The following ZNF594 variants were observed in gnomAD, a reference collection of about 807,000 sequenced individuals.
ZNF594 encodes zinc finger protein 594.
For missense variants in ZNF594, 1,037 were observed against 964.6 expected, an observed-to-expected ratio of 1.08 and a Z score of -0.99; for synonymous variants, 336 against 309.4, an observed-to-expected ratio of 1.09 and a Z score of -0.90.
Position 5,180,679 on chromosome 17 carries a change from AAAAT to A in ZNF594, c.*1150_*1153del, listed in dbSNP as rs1364691581. ...GAGACCTCATCTCTTTGTATGTTAA[AAAAT>A]AAATAATTTAAAAAATTGTATCGTT... On this transcript the variant is annotated 3_prime_UTR_variant, in exon 2 of 2. Coordinates refer to ENST00000575779, the MANE Select transcript of ZNF594 (RefSeq NM_032530.2). The A allele has an allele frequency of 1.2e-5, 3 of 246,262 alleles. No homozygotes were observed. The highest frequency in any genetic ancestry group is 8.0e-6 in the Non-Finnish European group (1 of 125,170). 15.3% of individuals were successfully genotyped at this position (246,262 alleles called of 1,614,324 possible).
intron 1 of ZNF594, among the ~76,000 whole-genome samples, chr17:5,188,267 C>T (rs1598137186): frequency 1.5e-5 from 2 of 134,710 alleles, no homozygotes; most frequent in East Asian, 2.1e-4. Flanking sequence ...AAAGGCTGCC[C>T]TTTTTTTTTT....
At chr17:5,188,226 G>A (rs1598137131) in intron 1 of ZNF594, among the ~76,000 whole-genome samples, 1 of 149,370 alleles carries the variant, frequency 6.7e-6, no homozygotes. Context: ...CAAAATTCAG[G>A]AGCAGATTAC....
intron 1 of ZNF594, among the ~76,000 whole-genome samples, chr17:5,186,735 TCTTC>T (rs1254881725): frequency 3.3e-5 from 5 of 152,254 alleles, no homozygotes. Flanking sequence ...CTTAGAAATT[TCTTC>T]CACCAGATAC....
At position 5,183,196 on chromosome 17, in the gene ZNF594, T is replaced by A; in HGVS notation, c.1061A>T (p.Glu354Val). The A allele has an allele frequency of 1.2e-6, 2 of 1,614,190 alleles. No homozygotes were observed. The highest frequency in any genetic ancestry group is 1.1e-5 in the South Asian group (1 of 91,088). The change falls in exon 2 of 2, where the codon GAG becomes GTG. Residue 354 changes from glutamate (E) to valine (V), a missense_variant. Coordinates refer to ENST00000575779, the MANE Select transcript of ZNF594 (RefSeq NM_032530.2). ...CTCCTCATCCTTGCTGAAGGTTTTC[T>A]CACATTCTTCAATTTTCTCTCCAGC... Reference protein sequence around the residue: ...LHAGEKIEECEKTFSKDEELR... With the variant: ...LHAGEKIEECVKTFSKDEELR...
chr17:5,180,751 G>A lies in ZNF594; in HGVS notation c.*1082C>T, dbSNP rs1271587050. The A allele has an allele frequency of 3.4e-6, 1 of 292,446 alleles. No homozygotes were observed. The highest frequency in any genetic ancestry group is 9.3e-5 in the East Asian group (1 of 10,722). 18.1% of individuals were successfully genotyped at this position (292,446 alleles called of 1,614,324 possible). A position where few individuals can be genotyped will look rare whatever the true frequency, so the allele number is the denominator to read the frequency against. ...TCAGTTCTGAGACAGAAAAAAAAAA[G>A]GTGATTATGTCCAAGAGCTTTTGGC... On this transcript the variant is annotated 3_prime_UTR_variant, in exon 2 of 2. Transcript: ENST00000575779.
downstream of ZNF594, chr17:5,174,985 G>T (rs1273795328): frequency 5.4e-6 from 1 of 186,046 alleles, no homozygotes; most frequent in Non-Finnish European, 1.1e-5. Flanking sequence ...TACTGTGGTT[G>T]CCTCTATGTG....
At chr17:5,189,246 A>T (rs117948074) in intron 1 of ZNF594, among the ~76,000 whole-genome samples, 3 of 147,266 alleles carry the variant, frequency 2.0e-5, no homozygotes, top group South Asian at 2.2e-4. Flanking sequence ...GTGCCAGGCC[A>T]TTTTTTTTTC....
downstream of ZNF594, among the ~76,000 whole-genome samples, chr17:5,177,635 G>A (rs1454393690): frequency 3.3e-5 from 5 of 152,120 alleles, no homozygotes; most frequent in East Asian, 3.9e-4. Flanking sequence ...TCAGGAGTTC[G>A]AGACCAGCCT....
At position 5,180,879 on chromosome 17, in the gene ZNF594, A is replaced by G. The variant is rs542330503; in HGVS notation, c.*954T>C. ...TCTAATAAAACTCATTTGTAGTGCA[A>G]TAAGATGTGGTCTCCATCAGACTTT... On this transcript the variant is annotated 3_prime_UTR_variant, in exon 2 of 2. Coordinates refer to ENST00000575779, the MANE Select transcript of ZNF594 (RefSeq NM_032530.2). 11 of 514,384 alleles carry G rather than the reference A, an allele frequency of 2.1e-5. No homozygotes were observed. The highest frequency in any genetic ancestry group is 1.9e-4 in the African/African-American group (10 of 52,114). The allele number at this position is 514,384 out of a possible 1,614,324, so 31.9% of individuals were successfully genotyped here. A position where few individuals can be genotyped will look rare whatever the true frequency, so the allele number is the denominator to read the frequency against.
In ZNF594 at chr17:5,183,447, A is replaced by G. The variant is rs761203914; in HGVS notation, c.810T>C (p.Tyr270=). 10 of 1,613,972 alleles carry G rather than the reference A, an allele frequency of 6.2e-6. No homozygotes were observed. The East Asian group carries it at 1.1e-4, about 18-fold the overall frequency. The change falls in exon 2 of 2, where the codon TAT becomes TAC. Residue 270 remains tyrosine, a synonymous_variant. Coordinates refer to ENST00000575779, the MANE Select transcript of ZNF594 (RefSeq NM_032530.2). ...IHTGEKPYEC[Y]DCGQMFSQSS... ...TTTGACTGAACATCTGTCCACAGTC[A>G]TAACATTCATAGGGTTTCTCTCCAG...
Position 5,181,954 on chromosome 17 carries a change from C to G in ZNF594, c.2303G>C (p.Arg768Thr), listed in dbSNP as rs780718305. ...GAGATCTGAGCTGCCCTGGAAGGTCCTACTACACTGATTACACCAATAAAC... is the reference window on the plus strand; with the variant it reads ...GAGATCTGAGCTGCCCTGGAAGGTCGTACTACACTGATTACACCAATAAAC... Reference protein sequence around the residue: ...KKVYWCNQCSRTFQGSSDLIR... With the variant: ...KKVYWCNQCSTTFQGSSDLIR... Residue 768 changes from arginine (R) to threonine (T), a missense_variant, in exon 2 of 2, where the codon AGG becomes ACG. Transcript: ENST00000575779. 6.2e-6 allele frequency: 10 copies of G among 1,613,494 alleles called. No individual in the cohort carries two copies. The South Asian group carries it at 1.1e-4, about 18-fold the overall frequency.
rs372985276 is a variant in ZNF594 at position 5,182,688 on chromosome 17, C to T, written c.1569G>A (p.Lys523=). 117 of 1,613,490 alleles carry T rather than the reference C, an allele frequency of 7.3e-5. No homozygotes were observed. Among genetic ancestry groups the T allele is most frequent in the Non-Finnish European group, 9.1e-5 (107 of 1,179,908 alleles). The change falls in exon 2 of 2, where the codon AAG becomes AAA. Residue 523 remains lysine (K), a synonymous_variant. Transcript: ENST00000575779. ...GGAAAGCTGTGCGCCAAATGAAGAGCTTCCCACATTCCTTACATTCATAGG... is the reference window on the plus strand; with the variant it reads ...GGAAAGCTGTGCGCCAAATGAAGAGTTTCCCACATTCCTTACATTCATAGG... ...EKPYECKECG[K]LFIWRTAFLK...
At position 5,184,260 on chromosome 17, in the gene ZNF594, A is replaced by C. The variant is rs2144251236; in HGVS notation, c.-4T>G. The C allele has an allele frequency of 1.2e-6, 2 of 1,607,196 alleles. No homozygotes were observed. Among genetic ancestry groups the C allele is most frequent in the South Asian group, 2.2e-5 (2 of 90,070 alleles). ...TCTTTGATTTCCATTCCTTCATCTTATTCCTGTCTTCAGAATCTGAAATGA... is the reference window on the plus strand; with the variant it reads ...TCTTTGATTTCCATTCCTTCATCTTCTTCCTGTCTTCAGAATCTGAAATGA... On this transcript the variant is annotated 5_prime_UTR_variant, in exon 2 of 2. Coordinates refer to ENST00000575779, the MANE Select transcript of ZNF594 (RefSeq NM_032530.2).
chr17:5,175,853 C>T (rs1322947663), downstream of ZNF594, among the ~76,000 whole-genome samples: 1 of 152,034 alleles, frequency 6.6e-6, no homozygotes, highest in Non-Finnish European at 1.5e-5. Context: ...CCTTCACCCT[C>T]AGCTTCTATT....
downstream of ZNF594, among the ~76,000 whole-genome samples, chr17:5,176,774 ACAGT>A (rs1334269773): frequency 6.6e-6 from 1 of 152,180 alleles, no homozygotes; most frequent in Non-Finnish European, 1.5e-5. Flanking sequence ...AAAAAGATTG[ACAGT>A]CAATCACATA....
At position 5,183,223 on chromosome 17, in the gene ZNF594, T is replaced by C. The variant is rs201418049; in HGVS notation, c.1034A>G (p.His345Arg). The change falls in exon 2 of 2, where the codon CAT (histidine) becomes CGT (arginine). Residue 345 changes from histidine to arginine, a missense_variant. Physicochemically the swap from His to Arg is conservative, Grantham distance 29 (BLOSUM62 0). Coordinates refer to ENST00000575779, the MANE Select transcript of ZNF594 (RefSeq NM_032530.2). ...RTAFLKHQRL[H>R]AGEKIEECEK... is the part of the protein sequence containing the mutation. ...ACATTCTTCAATTTTCTCTCCAGCA[T>C]GCAATCTCTGATGTTTAAGAAAAGC... 6.2e-6 allele frequency: 10 copies of C among 1,614,184 alleles called. No individual in the cohort carries two copies. Among genetic ancestry groups the C allele is most frequent in the African/African-American group, 5.3e-5 (4 of 75,044 alleles).
At position 5,182,580 on chromosome 17, in the gene ZNF594, C is replaced by G; in HGVS notation, c.1677G>C (p.Gln559His). 6.2e-7 allele frequency: 1 copy of G among 1,613,244 alleles called. No homozygotes were observed. The highest frequency in any genetic ancestry group is 2.2e-5 in the East Asian group (1 of 44,844). Residue 559 changes from glutamine (Q) to histidine (H), a missense_variant, in exon 2 of 2, where the codon CAG (glutamine) becomes CAC (histidine). Physicochemically the swap from Gln to His is conservative, Grantham distance 24 (BLOSUM62 0). Coordinates refer to ENST00000575779, the MANE Select transcript of ZNF594 (RefSeq NM_032530.2). ...FSQDEELRGE[Q>H]KIHQEAKAYW... ...AAGCTTTCGCTTCCTGGTGAATTTT[C>G]TGCTCTCCCCTAAGCTCCTCATCCT...
In ZNF594 at chr17:5,182,846, G is replaced by T; in HGVS notation, c.1411C>A (p.Gln471Lys). Reference protein sequence around the residue: ...ECSECGKAFSQRSHLVTHQKI... With the variant: ...ECSECGKAFSKRSHLVTHQKI... ...TGGTGTGTAACAAGGTGTGACCTCT[G>T]GCTAAAGGCTTTCCCACATTCACTA... Residue 471 changes from glutamine to lysine, a missense_variant, in exon 2 of 2, where the codon CAG becomes AAG. Gln to Lys is a moderately conservative substitution (Grantham distance 53). Transcript: ENST00000575779. 3.7e-6 allele frequency: 6 copies of T among 1,613,900 alleles called. No individual in the cohort carries two copies. The highest frequency in any genetic ancestry group is 5.1e-6 in the Non-Finnish European group (6 of 1,180,014).
downstream of ZNF594, among the ~76,000 whole-genome samples, chr17:5,177,324 T>C (rs962268726): frequency 2.0e-5 from 3 of 151,976 alleles, no homozygotes; most frequent in Non-Finnish European, 2.9e-5. Context: ...GCCTGTTCCA[T>C]AGAGCAGTGT....
Sources: allele counts gnomAD v4.1 joint callset (sites outside exome capture counted in the v4.1 genomes callset), GRCh38; gene constraint gnomAD v4.1.1; transcripts MANE v1.5; gene names NCBI Gene and HGNC (gene_info 2026-07-23, HGNC 2026-07-21).